Variants in CSMD3 observed in about 807,000 individuals in gnomAD.
CSMD3 encodes CUB and Sushi multiple domains 3, also known as CUB and sushi domain-containing protein 3.
CSMD3 carries 177 observed loss-of-function variants against 435.2 expected under a neutral mutation model. The observed-to-expected ratio is 0.41, with a 90% CI of 0.36 to 0.46. The LOEUF is 0.46. Ranked by LOEUF, CSMD3 falls within the 20% of genes least tolerant of loss-of-function variation. The pLI is 0.34. For synonymous variants in CSMD3, 1,656 were observed against 1,520.5 expected (o/e 1.09, Z -2.07); for missense variants, 4,265 against 4,504.6 (o/e 0.95, Z 1.52).
intron 11 of CSMD3, among the ~76,000 whole-genome samples, chr8:112,853,278 T>G (rs1320284680): frequency 6.6e-6 from 1 of 152,092 alleles, no homozygotes; most frequent in Non-Finnish European, 1.5e-5. Flanking sequence ...CAGGCTGGAG[T>G]GCAGTGGCAT....
chr8:112,736,011 G>C (rs2077178861), intron 13 of CSMD3, among the ~76,000 whole-genome samples: 1 of 151,978 alleles, frequency 6.6e-6, no homozygotes, highest in African/African-American at 2.4e-5. Context: ...TTTATATAGA[G>C]AGAGCTGTGT....
intron 1 of CSMD3, among the ~76,000 whole-genome samples, chr8:113,401,806 A>G (rs1237793621): frequency 6.6e-6 from 1 of 151,588 alleles, no homozygotes; most frequent in Non-Finnish European, 1.5e-5. Flanking sequence ...TTTTCTATGT[A>G]TAAATATGTT....
intron 27 of CSMD3, among the ~76,000 whole-genome samples, chr8:112,519,247 A>C (rs1166331991): frequency 6.6e-6 from 1 of 152,210 alleles, no homozygotes; most frequent in African/African-American, 2.4e-5. Flanking sequence ...CCTTTTCCTT[A>C]ACATAAATAT....
intron 10 of CSMD3, among the ~76,000 whole-genome samples, chr8:112,881,044 A>C (rs2081433361): frequency 6.6e-6 from 1 of 152,054 alleles, no homozygotes; most frequent in South Asian, 2.1e-4. Context: ...ATTTATGTAT[A>C]TATTCAGTCA....
chr8:112,538,765 A>T (rs181525317), intron 27 of CSMD3: 1 of 152,224 alleles, frequency 6.6e-6, no homozygotes, highest in Admixed American at 6.6e-5. Flanking sequence ...TAAGGTCCTT[A>T]CTACCCAAAG....
At chr8:112,855,457 T>C (rs929880307) in intron 11 of CSMD3, among the ~76,000 whole-genome samples, 4 of 152,082 alleles carry the variant, frequency 2.6e-5, no homozygotes, top group Non-Finnish European at 5.9e-5. Context: ...AACTGTAAAA[T>C]CAATCAGACA....
chr8:112,707,481 G>T (rs976003186), intron 13 of CSMD3, among the ~76,000 whole-genome samples: 1 of 151,302 alleles, frequency 6.6e-6, no homozygotes, highest in African/African-American at 2.4e-5. Flanking sequence ...GTGGTGGTGC[G>T]GCGGGAGGGG....
intron 5 of CSMD3, among the ~76,000 whole-genome samples, chr8:113,086,805 T>C (rs1243572767): frequency 6.6e-6 from 1 of 152,180 alleles, no homozygotes; most frequent in Non-Finnish European, 1.5e-5. Context: ...ATCTGTATTT[T>C]CCTTGAAAAT....
At chr8:112,568,206 T>G (rs1829212682) in intron 24 of CSMD3, among the ~76,000 whole-genome samples, 1 of 152,152 alleles carries the variant, frequency 6.6e-6, no homozygotes, top group Non-Finnish European at 1.5e-5. Flanking sequence ...ACTGAGAAAT[T>G]TATTTGGGAG....
At chr8:112,374,940 C>T (rs1828804425) in intron 38 of CSMD3, among the ~76,000 whole-genome samples, 1 of 152,108 alleles carries the variant, frequency 6.6e-6, no homozygotes, top group African/African-American at 2.4e-5. Context: ...CATCGCTTTG[C>T]GAACATTTAG....
intron 6 of CSMD3, among the ~76,000 whole-genome samples, chr8:112,988,382 G>C (rs571702687): frequency 6.6e-6 from 1 of 152,060 alleles, no homozygotes. Context: ...TATCTCAATA[G>C]CTTATTTTTG....
chr8:112,790,794 A>T (rs1350738772), intron 13 of CSMD3, among the ~76,000 whole-genome samples: 1 of 152,246 alleles, frequency 6.6e-6, no homozygotes, highest in African/African-American at 2.4e-5. Context: ...TGCCTTTTTA[A>T]TTGTTGAAAA....
chr8:112,389,878 A>G (rs1446991473), intron 36 of CSMD3, among the ~76,000 whole-genome samples: 5 of 152,194 alleles, frequency 3.3e-5, no homozygotes, highest in African/African-American at 1.2e-4. Flanking sequence ...TTTATGTAAA[A>G]CAGAATAACT....
intron 12 of CSMD3, among the ~76,000 whole-genome samples, chr8:112,807,350 G>C (rs1272352860): frequency 6.6e-6 from 1 of 152,118 alleles, no homozygotes; most frequent in African/African-American, 2.4e-5. Flanking sequence ...ACATGTACTT[G>C]GGATAAAAAT....
chr8:113,154,034 C>A (rs887702655), intron 4 of CSMD3, among the ~76,000 whole-genome samples: 1 of 151,916 alleles, frequency 6.6e-6, no homozygotes, highest in African/African-American at 2.4e-5. Context: ...AAGTTTGGTG[C>A]ACATATTTAA....
chr8:112,771,160 C>A (rs2078103925), intron 13 of CSMD3, among the ~76,000 whole-genome samples: 1 of 152,068 alleles, frequency 6.6e-6, no homozygotes, highest in Non-Finnish European at 1.5e-5. Context: ...CCCACAGAGT[C>A]CACCTGCAAG....
intron 3 of CSMD3, among the ~76,000 whole-genome samples, chr8:113,266,547 G>A (rs930115184): frequency 2.3e-4 from 35 of 151,464 alleles, no homozygotes; most frequent in African/African-American, 2.9e-4. Context: ...TAAGTGCTTC[G>A]TTAAATTATT....
intron 4 of CSMD3, among the ~76,000 whole-genome samples, chr8:113,138,174 A>G (rs1279378171): frequency 6.6e-6 from 1 of 151,442 alleles, no homozygotes; most frequent in Non-Finnish European, 1.5e-5. Context: ...CGTAATTATT[A>G]TTCAAAGTGT....
chr8:112,918,259 A>G (rs1171615912), intron 10 of CSMD3, among the ~76,000 whole-genome samples: 1 of 151,938 alleles, frequency 6.6e-6, no homozygotes, highest in Non-Finnish European at 1.5e-5. Flanking sequence ...TTTTGAATAA[A>G]GAAATTAAAA....
Sources: allele counts gnomAD v4.1 joint callset (sites outside exome capture counted in the v4.1 genomes callset), GRCh38; gene constraint gnomAD v4.1.1; transcripts MANE v1.5; gene names NCBI Gene and HGNC (gene_info 2026-07-23, HGNC 2026-07-21).